The following DNAAF10 variants were observed in gnomAD, a reference collection of about 807,000 sequenced individuals.
DNAAF10 encodes WD repeat domain 92.
Under a neutral mutation model 43.7 loss-of-function variants are expected in DNAAF10, and 28 were observed. The ratio of observed to expected loss-of-function variants is 0.64; its 90% CI spans 0.48 to 0.88. The LOEUF is 0.88. Ranked by LOEUF, DNAAF10 falls within the 40% of genes least tolerant of loss-of-function variation. The probability of loss-of-function intolerance (pLI) is 0.00; values close to 1 mark genes in which losing one functional copy is unlikely to be tolerated. For synonymous variants in DNAAF10, 156 were observed against 157.3 expected (o/e 0.99, Z 0.06); for missense variants, 403 against 439.1 (o/e 0.92, Z 0.73).
chr2:68,156,945 T>C, intron 1 of DNAAF10: 2 of 407,858 alleles, frequency 4.9e-6, no homozygotes, highest in Non-Finnish European at 8.9e-6. Context: ...TCCCTGGGAA[T>C]ACCAGGCACT....
intron 3 of DNAAF10, among the ~76,000 whole-genome samples, chr2:68,143,216 C>A (rs1673235195): frequency 6.6e-6 from 1 of 152,090 alleles, no homozygotes; most frequent in Non-Finnish European, 1.5e-5. Context: ...AAGAGATTAT[C>A]TTTCTCTATA....
At chr2:68,134,639 A>G (rs1672995313) in intron 7 of DNAAF10, 63 bp downstream of exon 7, 1 of 1,577,856 alleles carries the variant, frequency 6.3e-7, no homozygotes, top group Non-Finnish European at 8.5e-7. Context: ...AAAAAGTTCA[A>G]TCTAATCCTA....
In DNAAF10 at chr2:68,134,682, G is replaced by C. The variant is rs1217276464; in HGVS notation, c.866+20C>G. On this transcript the variant is annotated intron_variant, in intron 7 of 7. Transcript: ENST00000295121. ...CCCACAGGTAACTTTAAAAGGAGCAGTGTGCACTGGCAGACTTACTACTTC... is the reference window on the plus strand; with the variant it reads ...CCCACAGGTAACTTTAAAAGGAGCACTGTGCACTGGCAGACTTACTACTTC... The C allele has an allele frequency of 2.5e-6, 4 of 1,605,004 alleles. No homozygotes were observed. The East Asian group carries it at 9.0e-5, about 36-fold the overall frequency.
intron 7 of DNAAF10, among the ~76,000 whole-genome samples, chr2:68,132,972 A>C (rs1457115351): frequency 1.3e-5 from 2 of 151,708 alleles, no homozygotes; most frequent in Non-Finnish European, 2.9e-5. Context: ...GAAAACTGGG[A>C]CTAGTTCTTC....
intron 1 of DNAAF10, among the ~76,000 whole-genome samples, chr2:68,153,345 TA>T (rs775794947): frequency 0.046 from 4,516 of 98,738 alleles, 177 homozygotes; most frequent in African/African-American, 0.13. Flanking sequence ...AGTGATAAAT[TA>T]AAAAAAAAAA....
chr2:68,144,526 G>A (rs530029424), intron 3 of DNAAF10, 59 bp downstream of exon 3: 20 of 1,593,300 alleles, frequency 1.3e-5, no homozygotes, highest in South Asian at 4.5e-5. Context: ...AGGATGTACT[G>A]CTGCATAGAG....
At chr2:68,144,487 G>T in intron 3 of DNAAF10, 98 bp downstream of exon 3, 1 of 1,478,768 alleles carries the variant, frequency 6.8e-7, no homozygotes, top group Non-Finnish European at 9.1e-7. Flanking sequence ...AGGGAGTCAA[G>T]GTGACTGAAG....
At chr2:68,140,162 T>C (rs1395228813) in intron 4 of DNAAF10, among the ~76,000 whole-genome samples, 1 of 152,114 alleles carries the variant, frequency 6.6e-6, no homozygotes, top group African/African-American at 2.4e-5. Context: ...GAGGAAAGAG[T>C]GTTAAGTGAG....
At chr2:68,153,886 G>T (rs1217964111) in intron 1 of DNAAF10, among the ~76,000 whole-genome samples, 2 of 151,186 alleles carry the variant, frequency 1.3e-5, no homozygotes, top group Non-Finnish European at 2.9e-5. Context: ...TGAGTAGCTG[G>T]GTTTACAGGC....
At chr2:68,156,071 C>T (rs1395415558) in intron 1 of DNAAF10, among the ~76,000 whole-genome samples, 1 of 136,726 alleles carries the variant, frequency 7.3e-6, no homozygotes, top group Non-Finnish European at 1.5e-5. Context: ...CACAGCACTC[C>T]GGGCTGGGTG....
At chr2:68,151,085 T>C (rs1223112152) in intron 1 of DNAAF10, among the ~76,000 whole-genome samples, 1 of 152,242 alleles carries the variant, frequency 6.6e-6, no homozygotes, top group Non-Finnish European at 1.5e-5. Flanking sequence ...AAAGTATGTC[T>C]TTATTACAAA....
At chr2:68,152,736 T>C (rs1219974809) in intron 1 of DNAAF10, among the ~76,000 whole-genome samples, 1 of 152,338 alleles carries the variant, frequency 6.6e-6, no homozygotes, top group East Asian at 1.9e-4. Context: ...ATGGTCATAA[T>C]TGACCTAACT....
chr2:68,153,671 G>C (rs1177936888), intron 1 of DNAAF10, among the ~76,000 whole-genome samples: 1 of 151,646 alleles, frequency 6.6e-6, no homozygotes. Flanking sequence ...TAAGGAGTGG[G>C]AGTTACTGGA....
chr2:68,148,215 G>A lies in DNAAF10; in HGVS notation c.184-648C>T, dbSNP rs187120761. ...ATGGAAATCAGGTGAAGAAGACTAT[G>A]TAGCCAAAAAGGTCCTTGGAAAGGA... On this transcript the variant is annotated intron_variant, in intron 1 of 7. Coordinates refer to ENST00000295121, the MANE Select transcript of DNAAF10 (RefSeq NM_138458.4). Among the ~76,000 whole-genome samples the A allele has an allele frequency of 2.0e-5, 3 of 152,300 alleles. No homozygotes were observed. In the East Asian group the frequency reaches 5.8e-4, roughly 29 times the overall value.
chr2:68,133,353 G>T (rs972436840), intron 7 of DNAAF10, among the ~76,000 whole-genome samples: 1 of 151,936 alleles, frequency 6.6e-6, no homozygotes, highest in Non-Finnish European at 1.5e-5. Flanking sequence ...GGCAATTCTC[G>T]TGCCTCAGCC....
intron 3 of DNAAF10, 23 bp downstream of exon 3, chr2:68,144,562 A>C: frequency 6.2e-7 from 1 of 1,606,200 alleles, no homozygotes; most frequent in Non-Finnish European, 8.5e-7. Flanking sequence ...AATAAACAAA[A>C]TACATAGAAT....
intron 1 of DNAAF10, among the ~76,000 whole-genome samples, chr2:68,147,837 C>A (rs1673358660): frequency 6.6e-6 from 1 of 152,146 alleles, no homozygotes; most frequent in Non-Finnish European, 1.5e-5. Flanking sequence ...ATCTCTATTG[C>A]AAATATGAAA....
Position 68,131,151 on chromosome 2 carries a change from C to A in DNAAF10, c.*87G>T, listed in dbSNP as rs1441209243. The A allele has an allele frequency of 7.4e-7, 1 of 1,345,840 alleles. No homozygotes were observed. The highest frequency in any genetic ancestry group is 1.4e-5 in the African/African-American group (1 of 69,198). The allele number at this position is 1,345,840 out of a possible 1,614,324, so 83.4% of individuals were successfully genotyped here. On this transcript the variant is annotated 3_prime_UTR_variant, in exon 8 of 8. Coordinates refer to ENST00000295121, the MANE Select transcript of DNAAF10 (RefSeq NM_138458.4). Reference sequence around the variant, plus strand: ...GCCAGGATGGTCTCGATCTCCTGACCTTCTGATCCACCCGCCTCGGCCTCC... The same window carrying A: ...GCCAGGATGGTCTCGATCTCCTGACATTCTGATCCACCCGCCTCGGCCTCC...
chr2:68,142,743 G>A (rs764803545), intron 3 of DNAAF10, among the ~76,000 whole-genome samples: 2 of 150,594 alleles, frequency 1.3e-5, no homozygotes, highest in Non-Finnish European at 2.9e-5. Flanking sequence ...TAATAAAATG[G>A]CTAAAAGGCA....
Sources: gnomAD v4.1 joint callset for allele counts (sites outside exome capture counted in the v4.1 genomes callset) on GRCh38, gnomAD v4.1.1 for gene constraint, MANE v1.5 for transcripts, NCBI Gene and HGNC (gene_info 2026-07-23, HGNC 2026-07-21) for gene names.